TWIST1: variants seen among roughly 807,000 people sequenced by gnomAD.
TWIST1 encodes twist family bHLH transcription factor 1.
In TWIST1, 8 loss-of-function variants were observed where a neutral mutation model predicts 12.9. The observed-to-expected ratio is 0.62, with a 90% confidence interval of 0.37 to 1.12. The LOEUF is 1.12. Among genes scored for constraint, TWIST1 ranks in the 50% most tolerant of loss-of-function variants. The pLI is 0.02. For missense variants in TWIST1, 268 were observed against 299.7 expected (o/e 0.89, Z 0.78); for synonymous variants, 169 against 138.7 (o/e 1.22, Z -1.54).
rs1159781978 is a variant in TWIST1, at chr7:19,115,532, T to C, written c.*642A>G. ...TACAAAGATATTTACAAAACAATCATAAAAATATGAATGCATTTAGACACC... is the reference window on the plus strand; with the variant it reads ...TACAAAGATATTTACAAAACAATCACAAAAATATGAATGCATTTAGACACC... On this transcript the variant is annotated 3_prime_UTR_variant, in exon 2 of 2. Transcript: ENST00000242261. 6.6e-6 allele frequency: 1 copy of C among 152,614 alleles called. No homozygotes were observed. The highest frequency in any genetic ancestry group is 1.5e-5 in the Non-Finnish European group (1 of 68,020). The allele number at this position is 152,614 out of a possible 1,614,324, so 9.5% of individuals were successfully genotyped here.
chr7:19,113,241 T>G (rs1456456137), downstream of TWIST1: 2 of 152,136 alleles, frequency 1.3e-5, no homozygotes, highest in Non-Finnish European at 2.9e-5. Flanking sequence ...AAGTAATCAA[T>G]AGCACAGTAA....
rs1054193041 is a variant in TWIST1 at position 19,117,456 on chromosome 7, A to C, written c.-135T>G. ...CGCGGAGGAGAGAGCAGGAGGACGGACGGGAGGGACCTCCGCGGGGAGGGC... is the reference window on the plus strand; with the variant it reads ...CGCGGAGGAGAGAGCAGGAGGACGGCCGGGAGGGACCTCCGCGGGGAGGGC... On this transcript the variant is annotated 5_prime_UTR_variant, in exon 1 of 2. Coordinates refer to ENST00000242261, the MANE Select transcript of TWIST1 (RefSeq NM_000474.4). 2.6e-5 allele frequency: 31 copies of C among 1,185,376 alleles called. No homozygotes were observed. Among genetic ancestry groups the C allele is most frequent in the Non-Finnish European group, 3.0e-5 (29 of 953,662 alleles). The allele number at this position is 1,185,376 out of a possible 1,614,324, so 73.4% of individuals were successfully genotyped here.
In TWIST1 at chr7:19,117,062, G is replaced by GCCGCCGCCGCCCGCGC. The variant is rs1563160216; in HGVS notation, c.259_260insGCGCGGGCGGCGGCGG (p.Ala87GlyfsTer156). 4 of 1,401,400 alleles carry GCCGCCGCCGCCCGCGC rather than the reference G, an allele frequency of 2.9e-6. No individual in the cohort carries two copies. Among genetic ancestry groups the GCCGCCGCCGCCCGCGC allele is most frequent in the Non-Finnish European group, 2.8e-6 (3 of 1,087,918 alleles). The allele number at this position is 1,401,400 out of a possible 1,614,324, so 86.8% of individuals were successfully genotyped here. A position where few individuals can be genotyped will look rare whatever the true frequency, so the allele number is the denominator to read the frequency against. ...GCTGCTGCTGCCGCCGCCGCCGCCC[G>GCCGCCGCCGCCCGCGC]CGCCGCCGCCGCCGCCACAGCCCGC... On this transcript the variant is annotated frameshift_variant, in exon 1 of 2. Coordinates refer to ENST00000242261, the MANE Select transcript of TWIST1 (RefSeq NM_000474.4). LOFTEE classifies it high-confidence loss of function.
chr7:19,117,589 C>G lies in TWIST1; in HGVS notation c.-268G>C, dbSNP rs1238025530. The G allele has an allele frequency of 1.4e-5, 15 of 1,100,072 alleles. No individual in the cohort carries two copies. The Admixed American group carries it at 1.6e-4, about 12-fold the overall frequency. The allele number at this position is 1,100,072 out of a possible 1,614,324, so 68.1% of individuals were successfully genotyped here. On this transcript the variant is annotated 5_prime_UTR_variant, in exon 1 of 2. Transcript: ENST00000242261. ...GCTGGACGCACACCCCGCCAGGCCT[C>G]CTGGAAACGGTGCCGGTGCTGCAGA...
At chr7:19,114,622 TTGTG>T (rs930024998), downstream of TWIST1, among the ~76,000 whole-genome samples, 3 of 151,960 alleles carry the variant, frequency 2.0e-5, no homozygotes, top group Non-Finnish European at 2.9e-5. Flanking sequence ...TAACTTCAGA[TTGTG>T]TGTGTGTGTA....
chr7:19,116,792 T>A lies in TWIST1; in HGVS notation c.530A>T (p.Tyr177Phe), dbSNP rs1310135591. The A allele has an allele frequency of 2.5e-6, 4 of 1,614,048 alleles. No homozygotes were observed. Among genetic ancestry groups the A allele is most frequent in the Non-Finnish European group, 3.4e-6 (4 of 1,179,968 alleles). ...ELDSKMASCS[Y>F]VAHERLSYAF... is the part of the protein sequence containing the mutation. ...GTAGCTGAGCCGCTCGTGAGCCACA[T>A]AGCTGCAGCTTGCCATCTTGGAGTC... The change falls in exon 1 of 2, where the codon TAT (tyrosine) becomes TTT (phenylalanine). Residue 177 changes from tyrosine to phenylalanine, a missense_variant. Physicochemically the swap from Tyr to Phe is conservative, Grantham distance 22 (BLOSUM62 3). Coordinates refer to ENST00000242261, the MANE Select transcript of TWIST1 (RefSeq NM_000474.4).
At chr7:19,116,509 T>A (rs1306792518) in intron 1 of TWIST1, among the ~76,000 whole-genome samples, 162 bp downstream of exon 1, 1 of 151,974 alleles carries the variant, frequency 6.6e-6, no homozygotes, top group Non-Finnish European at 1.5e-5. Context: ...AGACCGGCCT[T>A]CCGGGGACGC....
At chr7:19,114,594 G>GATTT (rs1788530597), downstream of TWIST1, among the ~76,000 whole-genome samples, 1 of 152,124 alleles carries the variant, frequency 6.6e-6, no homozygotes, top group Non-Finnish European at 1.5e-5. Flanking sequence ...ACCCCCGTTT[G>GATTT]CCCATTATTG....
Position 19,117,112 on chromosome 7 carries a change from G to C in TWIST1, c.210C>G (p.Ala70=). Residue 70 remains alanine (A), a synonymous_variant, in exon 1 of 2, where the codon GCC becomes GCG. Transcript: ENST00000242261. ...CAGACTTCTTGCCGCGCTTGCCCTG[G>C]GCCGGGCTGCCCGGCTCGTCGCCGC... is the stretch of plus-strand genomic sequence containing the variant. ...VGGGDEPGSP[A]QGKRGKKSAG... is the part of the protein sequence containing the mutation. The C allele has an allele frequency of 8.2e-7, 1 of 1,213,752 alleles. No homozygotes were observed. Among genetic ancestry groups the C allele is most frequent in the African/African-American group, 1.6e-5 (1 of 62,144 alleles). The allele number at this position is 1,213,752 out of a possible 1,614,324, so 75.2% of individuals were successfully genotyped here.
downstream of TWIST1, chr7:19,113,332 A>T (rs551419394): frequency 1.3e-5 from 2 of 152,370 alleles, no homozygotes; most frequent in East Asian, 3.9e-4. Context: ...CTGAAGGAAA[A>T]AGATCCCAAG....
rs1444006714 is a variant in TWIST1 at position 19,117,083 on chromosome 7, C to T, written c.239G>A (p.Gly80Asp). Residue 80 changes from glycine (G) to aspartate (D), a missense_variant, in exon 1 of 2, where the codon GGC (glycine) becomes GAC (aspartate). Gly to Asp is a moderately conservative substitution (Grantham distance 94, BLOSUM62 -1). This residue lies in a region of TWIST1 where 189 missense variants were observed against 172.1 expected (regional missense o/e 1.10). Transcript: ENST00000242261. ...GCCCGCGCCGCCGCCGCCGCCACAG[C>T]CCGCAGACTTCTTGCCGCGCTTGCC... is the stretch of plus-strand genomic sequence containing the variant. The part of the protein sequence containing the change: ...AQGKRGKKSA[G>D]CGGGGGAGGG... The T allele has an allele frequency of 3.6e-6, 5 of 1,382,898 alleles. No homozygotes were observed. The highest frequency in any genetic ancestry group is 3.1e-5 in the African/African-American group (2 of 65,052). The allele number at this position is 1,382,898 out of a possible 1,614,324, so 85.7% of individuals were successfully genotyped here.
chr7:19,115,093 G>A (rs1373295973), downstream of TWIST1, among the ~76,000 whole-genome samples: 2 of 152,284 alleles, frequency 1.3e-5, no homozygotes, highest in Non-Finnish European at 2.9e-5. Context: ...TTCACAAAGA[G>A]TGAAGAGCAT....
rs1788599220 is a variant in TWIST1 at position 19,117,396 on chromosome 7, C to A, written c.-75G>T. 1 of 1,295,952 alleles carries A rather than the reference C, an allele frequency of 7.7e-7. No individual in the cohort carries two copies. The highest frequency in any genetic ancestry group is 9.8e-7 in the Non-Finnish European group (1 of 1,017,634). 80.3% of individuals were successfully genotyped at this position (1,295,952 alleles called of 1,614,324 possible). A position where few individuals can be genotyped will look rare whatever the true frequency, so the allele number is the denominator to read the frequency against. On this transcript the variant is annotated 5_prime_UTR_variant, in exon 1 of 2. Transcript: ENST00000242261. ...GCGGGGCGCCTCAGCCCGCCAGCTT[C>A]CCCCGCGCGCGGCGCCGGCCCGGGC...
In TWIST1 at chr7:19,117,068, C is replaced by A; in HGVS notation, c.254G>T (p.Gly85Val). ...GKKSAGCGGG[G>V]GAGGGGGSSS... ...GCTGCCGCCGCCGCCGCCCGCGCCGCCGCCGCCGCCACAGCCCGCAGACTT... is the reference window on the plus strand; with the variant it reads ...GCTGCCGCCGCCGCCGCCCGCGCCGACGCCGCCGCCACAGCCCGCAGACTT... Residue 85 changes from glycine to valine, a missense_variant, in exon 1 of 2, where the codon GGC becomes GTC. Gly to Val is a moderately radical substitution (Grantham distance 109). Coordinates refer to ENST00000242261, the MANE Select transcript of TWIST1 (RefSeq NM_000474.4). 7.1e-7 allele frequency: 1 copy of A among 1,401,456 alleles called. No individual in the cohort carries two copies. The allele number at this position is 1,401,456 out of a possible 1,614,324, so 86.8% of individuals were successfully genotyped here.
At chr7:19,114,036 C>T (rs940785238), downstream of TWIST1, 32 of 152,172 alleles carry the variant, frequency 2.1e-4, no homozygotes, top group African/African-American at 7.7e-4. Flanking sequence ...CAACCTAATG[C>T]TTTCCCTCAT....
chr7:19,113,387 A>C (rs770627697), downstream of TWIST1: 7 of 152,236 alleles, frequency 4.6e-5, no homozygotes, highest in African/African-American at 9.6e-5. Flanking sequence ...TTATTTCCGA[A>C]AACAAGAGGT....
In TWIST1 at chr7:19,117,496, G is replaced by A. The variant is rs1471074275; in HGVS notation, c.-175C>T. 24 of 1,193,504 alleles carry A rather than the reference G, an allele frequency of 2.0e-5. No homozygotes were observed. Among genetic ancestry groups the A allele is most frequent in the Non-Finnish European group, 2.5e-5 (24 of 955,550 alleles). The allele number at this position is 1,193,504 out of a possible 1,614,324, so 73.9% of individuals were successfully genotyped here. A position where few individuals can be genotyped will look rare whatever the true frequency, so the allele number is the denominator to read the frequency against. On this transcript the variant is annotated 5_prime_UTR_variant, in exon 1 of 2. Transcript: ENST00000242261. ...GCGGGGAGGGCGCGCGGGGGAGGCG[G>A]GGAGGGAGGCGGGAGGGGGAGGGGA...
At position 19,117,186 on chromosome 7, in the gene TWIST1, C is replaced by G; in HGVS notation, c.136G>C (p.Ala46Pro). The part of the protein sequence containing the change: ...GRKRRSSRRS[A>P]GGGAGPGGAA... ...CCGCCGGGCCCCGCGCCGCCGCCCG[C>G]GCTGCGCCTGCTGCTGCGCCGCTTG... The change falls in exon 1 of 2, where the codon GCG (alanine) becomes CCG (proline). Residue 46 changes from alanine to proline, a missense_variant. By Grantham distance (27) the Ala-to-Pro change is conservative (BLOSUM62 -1). Coordinates refer to ENST00000242261, the MANE Select transcript of TWIST1 (RefSeq NM_000474.4). 5.9e-6 allele frequency: 7 copies of G among 1,181,922 alleles called. No individual in the cohort carries two copies. Among genetic ancestry groups the G allele is most frequent in the Non-Finnish European group, 7.3e-6 (7 of 956,248 alleles). The allele number at this position is 1,181,922 out of a possible 1,614,324, so 73.2% of individuals were successfully genotyped here.
chr7:19,117,572 C>CT lies in TWIST1; in HGVS notation c.-252_-251insA. On this transcript the variant is annotated 5_prime_UTR_variant, in exon 1 of 2. Transcript: ENST00000242261. ...AAAGAAAGCGCCCAACGGCTGGACG[C>CT]ACACCCCGCCAGGCCTCCTGGAAAC... 4 of 1,114,416 alleles carry CT rather than the reference C, an allele frequency of 3.6e-6. No individual in the cohort carries two copies. The highest frequency in any genetic ancestry group is 4.4e-6 in the Non-Finnish European group (4 of 903,182). 69.0% of individuals were successfully genotyped at this position (1,114,416 alleles called of 1,614,324 possible). A position where few individuals can be genotyped will look rare whatever the true frequency, so the allele number is the denominator to read the frequency against.
Sources: gnomAD v4.1 joint callset for allele counts (sites outside exome capture counted in the v4.1 genomes callset) on GRCh38, gnomAD v4.1.1 for gene constraint, gnomAD v4.1.1 regional missense constraint, MANE v1.5 for transcripts, NCBI Gene and HGNC (gene_info 2026-07-23, HGNC 2026-07-21) for gene names.